Variants in SPOCK1 observed in about 807,000 individuals in gnomAD.
The protein encoded by SPOCK1 is testican-1.
In SPOCK1, 23 loss-of-function variants were observed where a neutral mutation model predicts 55.3. That is an observed-to-expected ratio of 0.42 (90% CI 0.30 to 0.59). The LOEUF (loss-of-function observed/expected upper bound fraction) is 0.59, where lower values mean the gene tolerates loss of function less well. Among genes scored for constraint, SPOCK1 ranks in the 20% least tolerant of loss-of-function variants. The probability of loss-of-function intolerance (pLI) is 0.22; values close to 1 mark genes in which losing one functional copy is unlikely to be tolerated. For missense variants in SPOCK1, 499 were observed against 552.5 expected (o/e 0.90, Z 0.97); for synonymous variants, 226 against 221.0 (o/e 1.02, Z -0.20).
At chr5:137,493,440 G>A (rs1754231273) in intron 2 of SPOCK1, among the ~76,000 whole-genome samples, 1 of 152,172 alleles carries the variant, frequency 6.6e-6, no homozygotes, top group Non-Finnish European at 1.5e-5. Context: ...ATACAGTTCT[G>A]CTGAAGTATC....
At chr5:137,233,068 C>T (rs530295535) in intron 3 of SPOCK1, among the ~76,000 whole-genome samples, 16 of 152,266 alleles carry the variant, frequency 1.1e-4, no homozygotes, top group African/African-American at 3.6e-4. Flanking sequence ...TTCAGAATAC[C>T]GATCCTAAAT....
At chr5:137,232,574 A>G (rs1419174236) in intron 3 of SPOCK1, among the ~76,000 whole-genome samples, 1 of 152,186 alleles carries the variant, frequency 6.6e-6, no homozygotes, top group African/African-American at 2.4e-5. Flanking sequence ...CACTGTCTTG[A>G]TTACTGTAGC....
chr5:137,289,070 G>A (rs73291371), intron 2 of SPOCK1, among the ~76,000 whole-genome samples: 2,363 of 152,252 alleles, frequency 0.016, 69 homozygotes, highest in African/African-American at 0.054. Flanking sequence ...TATTGACTAC[G>A]TAACCTTAGA....
At chr5:137,452,748 T>C (rs1045985607) in intron 2 of SPOCK1, among the ~76,000 whole-genome samples, 1 of 152,264 alleles carries the variant, frequency 6.6e-6, no homozygotes, top group Admixed American at 6.5e-5. Context: ...CTTTTGCTTA[T>C]GTGGCATCCT....
At chr5:137,423,231 C>T (rs1487978338) in intron 2 of SPOCK1, among the ~76,000 whole-genome samples, 1 of 152,172 alleles carries the variant, frequency 6.6e-6, no homozygotes, top group African/African-American at 2.4e-5. Flanking sequence ...ACTTAGGGGT[C>T]AGGGACCCAC....
intron 8 of SPOCK1, among the ~76,000 whole-genome samples, chr5:136,987,954 C>T (rs118152785): frequency 3.9e-5 from 6 of 152,252 alleles, no homozygotes; most frequent in East Asian, 1.9e-4. Context: ...TTTTCATTAG[C>T]TGGAGTTTAT....
At chr5:137,092,204 G>A (rs997013038) in intron 5 of SPOCK1, among the ~76,000 whole-genome samples, 10 of 152,188 alleles carry the variant, frequency 6.6e-5, no homozygotes, top group Non-Finnish European at 8.8e-5. Context: ...GTTTACTGGA[G>A]TATACAGACA....
chr5:137,417,332 C>CTTTTTTTTTTT (rs35711384), intron 2 of SPOCK1, among the ~76,000 whole-genome samples: 1 of 117,890 alleles, frequency 8.5e-6, no homozygotes, highest in Non-Finnish European at 1.8e-5. Flanking sequence ...TAACCCATTT[C>CTTTTTTTTTTT]TTTTTTTTTT....
intron 2 of SPOCK1, among the ~76,000 whole-genome samples, chr5:137,336,058 G>A (rs181207636): frequency 3.3e-5 from 5 of 152,252 alleles, no homozygotes; most frequent in Non-Finnish European, 7.4e-5. Context: ...GTACTTTACA[G>A]TACTTACAGA....
intron 2 of SPOCK1, among the ~76,000 whole-genome samples, chr5:137,343,634 A>G (rs1750487975): frequency 6.6e-6 from 1 of 152,260 alleles, no homozygotes; most frequent in African/African-American, 2.4e-5. Flanking sequence ...CAGATCCAAC[A>G]GGAAGCATAT....
rs1232292493 is a variant in SPOCK1, at chr5:137,496,912, TG to T, written c.186+1460del. Among the ~76,000 whole-genome samples, 23 of 152,164 alleles carry T rather than the reference TG, an allele frequency of 1.5e-4. 1 individual carries two copies. On this transcript the variant is annotated intron_variant, in intron 2 of 10. Transcript: ENST00000394945. ...ATTTCGATAAAAGGCCCCAAATAGC[TG>T]TGGCTATTCATTGAAAGTGTTTGAA...
intron 2 of SPOCK1, among the ~76,000 whole-genome samples, chr5:137,413,575 T>G (rs1752255814): frequency 6.6e-6 from 1 of 152,194 alleles, no homozygotes; most frequent in African/African-American, 2.4e-5. Context: ...TCACAGCTCC[T>G]GGCATGAACT....
At chr5:137,204,791 C>T (rs1309112317) in intron 3 of SPOCK1, among the ~76,000 whole-genome samples, 1 of 152,166 alleles carries the variant, frequency 6.6e-6, no homozygotes, top group Non-Finnish European at 1.5e-5. Context: ...CCGAATTGAC[C>T]TCCACTGACC....
chr5:137,400,416 T>C (rs370098929), intron 2 of SPOCK1, among the ~76,000 whole-genome samples: 5 of 152,166 alleles, frequency 3.3e-5, no homozygotes, highest in Non-Finnish European at 5.9e-5. Flanking sequence ...CACAGGTAGA[T>C]AGGAGACCAC....
At chr5:137,498,661 C>T in intron 1 of SPOCK1, 103 bp from the exon 2 acceptor site, 1 of 1,004,790 alleles carries the variant, frequency 1.0e-6, no homozygotes, top group Non-Finnish European at 1.2e-6. Flanking sequence ...GGGGACCCCG[C>T]GGCGGGCACG....
intron 3 of SPOCK1, among the ~76,000 whole-genome samples, chr5:137,195,540 G>A (rs1755280883): frequency 6.6e-6 from 1 of 152,258 alleles, no homozygotes; most frequent in South Asian, 2.1e-4. Flanking sequence ...GTGGGAGCTG[G>A]GGCAGTGGAT....
intron 2 of SPOCK1, among the ~76,000 whole-genome samples, chr5:137,389,346 C>T (rs562770773): frequency 2.2e-4 from 34 of 152,276 alleles, no homozygotes; most frequent in African/African-American, 7.9e-4. Context: ...TGTTTGAATC[C>T]CCACTGTCTA....
intron 5 of SPOCK1, among the ~76,000 whole-genome samples, chr5:137,098,783 T>C (rs1753203855): frequency 6.6e-6 from 1 of 152,238 alleles, no homozygotes; most frequent in Admixed American, 6.5e-5. Flanking sequence ...TCGTTTATTC[T>C]TGCCATACCA....
chr5:137,417,942 T>C (rs1332039826), intron 2 of SPOCK1, among the ~76,000 whole-genome samples: 1 of 152,230 alleles, frequency 6.6e-6, no homozygotes, highest in Non-Finnish European at 1.5e-5. Flanking sequence ...CTCCTAATGC[T>C]ATTCCTCCCC....
Sources: gnomAD v4.1 joint callset for allele counts (sites outside exome capture counted in the v4.1 genomes callset) on GRCh38, gnomAD v4.1.1 for gene constraint, MANE v1.5 for transcripts, NCBI Gene and HGNC (gene_info 2026-07-23, HGNC 2026-07-21) for gene names.